The following XIAP variants were observed in gnomAD, a reference collection of about 807,000 sequenced individuals.
XIAP encodes the protein E3 ubiquitin-protein ligase XIAP.
Under a neutral mutation model 33.1 loss-of-function variants are expected in XIAP, and 3 were observed. The ratio of observed to expected loss-of-function variants is 0.09; its 90% CI spans 0.04 to 0.23. XIAP has a LOEUF of 0.23. Ranked by LOEUF, XIAP falls within the 10% of genes least tolerant of loss-of-function variation. The pLI, the probability that XIAP is intolerant of heterozygous loss-of-function variation, is 1.00. For synonymous variants in XIAP, 98 were observed against 121.3 expected (o/e 0.81, Z 1.26); for missense variants, 264 against 363.0 (o/e 0.73, Z 2.22).
At chrX:123,882,573 A>G (rs907295473) in intron 1 of XIAP, among the ~76,000 whole-genome samples, 10 of 112,343 alleles carry the variant, frequency 8.9e-5, no homozygotes, top group Non-Finnish European at 1.7e-4. Flanking sequence ...ACTGGAAATA[A>G]TATCCCTTGG....
At chrX:123,867,156 G>A (rs1263210951) in intron 1 of XIAP, among the ~76,000 whole-genome samples, 3 of 97,475 alleles carry the variant, frequency 3.1e-5, no homozygotes, top group African/African-American at 1.2e-4. Context: ...TGCAACCTCC[G>A]CCTCCTGGGT....
intron 1 of XIAP, among the ~76,000 whole-genome samples, chrX:123,871,266 C>A (rs1356142930): frequency 1.3e-5 from 1 of 78,272 alleles, no homozygotes; most frequent in African/African-American, 5.8e-5. Flanking sequence ...TGGTCGAGAC[C>A]CCATCTCTTA....
intron 6 of XIAP, among the ~76,000 whole-genome samples, chrX:123,902,964 T>C (rs2053526529): frequency 9.0e-6 from 1 of 110,535 alleles, no homozygotes; most frequent in Non-Finnish European, 1.9e-5. Flanking sequence ...GGAAAGGCGC[T>C]GTAGAGAAGT....
rs28382747 is a variant in XIAP, at chrX:123,910,823, T to G, written c.*3642T>G. ...GCAGAGCTTGCAGTGAGCCGAGATC[T>G]CGCCACTGCACTCCAGCCTGGGCAA... On this transcript the variant is annotated 3_prime_UTR_variant, in exon 7 of 7. Transcript: ENST00000371199. The G allele has an allele frequency of 0.21, 61,395 of 285,764 alleles. 4,611 individuals carry two copies. The highest frequency in any genetic ancestry group is 0.38 in the South Asian group (11,994 of 31,501). 23.6% of individuals were successfully genotyped at this position (285,764 alleles called of 1,213,427 possible). A position where few individuals can be genotyped will look rare whatever the true frequency, so the allele number is the denominator to read the frequency against.
chrX:123,876,818 A>G (rs1468686193), intron 1 of XIAP, among the ~76,000 whole-genome samples: 1 of 112,207 alleles, frequency 8.9e-6, no homozygotes, highest in Non-Finnish European at 1.9e-5. Flanking sequence ...GAATAATCCC[A>G]TTAAAGAAAA....
chrX:123,899,414 A>T (rs1468760404), intron 5 of XIAP, among the ~76,000 whole-genome samples: 8 of 105,262 alleles, frequency 7.6e-5, no homozygotes, highest in Non-Finnish European at 1.4e-4. Flanking sequence ...TGTGTTAAAT[A>T]TATATTAAAA....
At chrX:123,906,887 G>T (rs939136135) in intron 6 of XIAP, 101 bp from the exon 7 acceptor site, 10 of 1,002,874 alleles carry the variant, frequency 1.0e-5, no homozygotes, top group Admixed American at 2.5e-5. Flanking sequence ...CCCGGCACTT[G>T]TTGGGTGCTT....
Position 123,907,506 on chromosome X carries a change from A to G in XIAP, c.*325A>G. 1 of 383,283 alleles carries G rather than the reference A, an allele frequency of 2.6e-6. No individual in the cohort carries two copies. The highest frequency in any genetic ancestry group is 4.7e-6 in the Non-Finnish European group (1 of 210,784). 31.6% of individuals were successfully genotyped at this position (383,283 alleles called of 1,213,427 possible). ...AAGTGTAAGTGAATTAATCATCTGGATTTTTTATTCTTTTCAGATAGGCTT... is the reference window on the plus strand; with the variant it reads ...AAGTGTAAGTGAATTAATCATCTGGGTTTTTTATTCTTTTCAGATAGGCTT... On this transcript the variant is annotated 3_prime_UTR_variant, in exon 7 of 7. Transcript: ENST00000371199.
intron 1 of XIAP, among the ~76,000 whole-genome samples, chrX:123,865,649 G>A (rs757650349): frequency 4.1e-3 from 455 of 110,815 alleles, no homozygotes; most frequent in Middle Eastern, 0.014. Context: ...GTGTGAACCC[G>A]GGAGGCGGAC....
Position 123,878,420 on chromosome X carries a change from A to G in XIAP, c.-32-7211A>G, listed in dbSNP as rs146064297. Among the ~76,000 whole-genome samples the G allele has an allele frequency of 2.3e-3, 260 of 111,744 alleles. 1 individual carries two copies. The highest frequency in any genetic ancestry group is 8.0e-3 in the African/African-American group (248 of 30,815). On this transcript the variant is annotated intron_variant, in intron 1 of 6. Coordinates refer to ENST00000371199, the MANE Select transcript of XIAP (RefSeq NM_001167.4). ...ATTTCCCCCTCCCCAGCCCTAGGCAACCACTAATCTACTTTCTGTTTCTAT... is the reference window on the plus strand; with the variant it reads ...ATTTCCCCCTCCCCAGCCCTAGGCAGCCACTAATCTACTTTCTGTTTCTAT...
chrX:123,864,767 CGTGT>C (rs752421505), intron 1 of XIAP, among the ~76,000 whole-genome samples: 776 of 52,582 alleles, frequency 0.015, 18 homozygotes, highest in African/African-American at 0.033. Flanking sequence ...GTCGCATTCT[CGTGT>C]GTGTGTGTGT....
chrX:123,888,229 A>G lies in XIAP; in HGVS notation c.878-390A>G, dbSNP rs747455396. On this transcript the variant is annotated intron_variant, in intron 2 of 6. Transcript: ENST00000371199. Reference sequence around the variant, plus strand: ...GCATGCCTGTAATCCCAGCTACTTGAGAGGCTGAGGCAGGAGAATCGCTTG... The same window carrying G: ...GCATGCCTGTAATCCCAGCTACTTGGGAGGCTGAGGCAGGAGAATCGCTTG... Among the ~76,000 whole-genome samples, 9 of 108,841 alleles carry G rather than the reference A, an allele frequency of 8.3e-5. No homozygotes were observed. In the South Asian group the frequency reaches 3.5e-3, roughly 43 times the overall value. The allele number at this position is 108,841 out of a possible 115,157, so 94.5% of individuals were successfully genotyped here.
chrX:123,861,171 A>G (rs775703288), intron 1 of XIAP, among the ~76,000 whole-genome samples: 13 of 111,761 alleles, frequency 1.2e-4, no homozygotes, highest in Non-Finnish European at 1.9e-4. Flanking sequence ...TCCTTTTACA[A>G]AACCAGAAAC....
At chrX:123,867,049 C>CCCCCCCCCCCCCCCCCCCA (rs35471589) in intron 1 of XIAP, among the ~76,000 whole-genome samples, 1 of 55,075 alleles carries the variant, frequency 1.8e-5, no homozygotes, top group Non-Finnish European at 3.4e-5. Context: ...CCCCCCCCCC[C>CCCCCCCCCCCCCCCCCCCA]TTCAACATTC....
At chrX:123,895,161 G>A (rs7053190) in intron 5 of XIAP, among the ~76,000 whole-genome samples, 21,237 of 110,091 alleles carry the variant, frequency 0.19, 1,482 homozygotes, top group South Asian at 0.37. Flanking sequence ...CCCTAGGCCA[G>A]GGCAACCAGT....
intron 1 of XIAP, among the ~76,000 whole-genome samples, chrX:123,873,528 C>T (rs1471089621): frequency 2.8e-5 from 3 of 108,725 alleles, no homozygotes; most frequent in Non-Finnish European, 5.7e-5. Context: ...TGGCTCACGC[C>T]TGTAATCCCA....
In XIAP at chrX:123,910,018, A is replaced by C. The variant is rs1320146871; in HGVS notation, c.*2837A>C. ...TGTAGACTATTCCTTTTCTGTATAA[A>C]GTTCACTCTAGGATTTCAAGTCACC... On this transcript the variant is annotated 3_prime_UTR_variant, in exon 7 of 7. Transcript: ENST00000371199. The C allele has an allele frequency of 3.1e-6, 1 of 327,658 alleles. No homozygotes were observed. Among genetic ancestry groups the C allele is most frequent in the Non-Finnish European group, 5.9e-6 (1 of 169,720 alleles). 27.0% of individuals were successfully genotyped at this position (327,658 alleles called of 1,213,427 possible).
chrX:123,864,635 A>AGTGTGTGTGTGTGTGTGTGT, intron 1 of XIAP, among the ~76,000 whole-genome samples: 1 of 84,668 alleles, frequency 1.2e-5, no homozygotes, highest in African/African-American at 4.5e-5. Context: ...CCCGGCTTAG[A>AGTGTGTGTGTGTGTGTGTGT]GTGTGTGTGT....
intron 1 of XIAP, among the ~76,000 whole-genome samples, chrX:123,880,847 T>G (rs1379932765): frequency 2.7e-5 from 3 of 110,303 alleles, no homozygotes; most frequent in Non-Finnish European, 5.7e-5. Context: ...ATTCCCACAT[T>G]CTCGCTAGAT....
Sources: gnomAD v4.1 joint callset for allele counts (sites outside exome capture counted in the v4.1 genomes callset) on GRCh38, gnomAD v4.1.1 for gene constraint, MANE v1.5 for transcripts, NCBI Gene and HGNC (gene_info 2026-07-23, HGNC 2026-07-21) for gene names.